CWC27: variants seen among roughly 807,000 people sequenced by gnomAD.
CWC27 encodes the protein CWC27 spliceosome associated cyclophilin.
CWC27 carries 47 observed loss-of-function variants against 63.6 expected under a neutral mutation model. The ratio of observed to expected loss-of-function variants is 0.74; its 90% CI spans 0.58 to 0.94. CWC27 has a LOEUF of 0.94. Ranked by LOEUF, CWC27 falls within the 40% of genes least tolerant of loss-of-function variation. The pLI, the probability that CWC27 is intolerant of heterozygous loss-of-function variation, is 0.00. For missense variants in CWC27, 495 were observed against 554.3 expected, an observed-to-expected ratio of 0.89 and a Z score of 1.07; for synonymous variants, 175 against 179.8, an observed-to-expected ratio of 0.97 and a Z score of 0.22.
chr5:64,771,192 C>T (rs115345402), intron 1 of CWC27, among the ~76,000 whole-genome samples: 152 of 152,324 alleles, frequency 1.0e-3, no homozygotes, highest in Non-Finnish European at 1.9e-3. Context: ...ATTAAAGCTT[C>T]TAAGTTCTGT....
intron 11 of CWC27, among the ~76,000 whole-genome samples, chr5:64,962,394 A>G (rs184231384): frequency 4.8e-4 from 73 of 152,326 alleles, no homozygotes; most frequent in Non-Finnish European, 2.5e-4. Flanking sequence ...CCAACACTAC[A>G]GTGGCCCAAG....
intron 11 of CWC27, among the ~76,000 whole-genome samples, chr5:64,900,885 G>A (rs1044363285): frequency 6.6e-6 from 1 of 152,086 alleles, no homozygotes. Context: ...ATATGGTGTG[G>A]CCCAAGCTTG....
chr5:64,913,001 A>C (rs1747822599), intron 11 of CWC27, among the ~76,000 whole-genome samples: 1 of 152,176 alleles, frequency 6.6e-6, no homozygotes, highest in South Asian at 2.1e-4. Context: ...TTAAATTAAA[A>C]GCAAAATACT....
At chr5:64,955,289 A>G (rs964277039) in intron 11 of CWC27, among the ~76,000 whole-genome samples, 2 of 152,188 alleles carry the variant, frequency 1.3e-5, no homozygotes, top group African/African-American at 4.8e-5. Flanking sequence ...TGAGAAGTAG[A>G]TTAAACAAAT....
At chr5:64,809,588 C>G (rs375059795) in intron 10 of CWC27, among the ~76,000 whole-genome samples, 13 of 152,086 alleles carry the variant, frequency 8.5e-5, no homozygotes, top group Admixed American at 8.5e-4. Context: ...AGAATGGTCT[C>G]GATCTCCTGA....
chr5:64,907,101 G>C (rs1016232525), intron 11 of CWC27, among the ~76,000 whole-genome samples: 12 of 152,284 alleles, frequency 7.9e-5, no homozygotes, highest in African/African-American at 2.9e-4. Flanking sequence ...AAGGTAGCAT[G>C]ATGGCTCCAG....
chr5:64,789,662 C>T (rs760474756), intron 7 of CWC27, among the ~76,000 whole-genome samples: 2 of 152,030 alleles, frequency 1.3e-5, no homozygotes, highest in Non-Finnish European at 2.9e-5. Context: ...TTCAATATTG[C>T]TTGCATCATA....
intron 11 of CWC27, 43 bp downstream of exon 11, chr5:64,885,589 C>T: frequency 1.4e-6 from 2 of 1,413,816 alleles, no homozygotes; most frequent in South Asian, 1.2e-5. Flanking sequence ...TGATACTCCT[C>T]CTTCTCTGTT....
Position 64,971,727 on chromosome 5 carries a change from C to G in CWC27, c.1067C>G (p.Ala356Gly), listed in dbSNP as rs748889304. 6.2e-7 allele frequency: 1 copy of G among 1,608,794 alleles called. No individual in the cohort carries two copies. Among genetic ancestry groups the G allele is most frequent in the Non-Finnish European group, 8.5e-7 (1 of 1,177,926 alleles). The change falls in exon 12 of 14, where the codon GCT (alanine) becomes GGT (glycine). Residue 356 changes from alanine (A) to glycine (G), a missense_variant. Around this residue, in one of 3 missense-constraint regions of CWC27, gnomAD observed 463 missense variants for 498.1 expected, o/e 0.93. Transcript: ENST00000381070. ...GAGGAAGAAGCCCCTCCAGATGGTG[C>G]TGTTGCCGAATACAGAAGAGAAAAG... ...SEEEEAPPDGAVAEYRREKQK... is the reference protein window; with the variant it reads ...SEEEEAPPDGGVAEYRREKQK...
At chr5:64,881,260 C>T (rs1746929119) in intron 10 of CWC27, among the ~76,000 whole-genome samples, 1 of 152,072 alleles carries the variant, frequency 6.6e-6, no homozygotes, top group Non-Finnish European at 1.5e-5. Flanking sequence ...ACCTACCCTT[C>T]TCTGTCTCAC....
chr5:64,972,033 G>A (rs554075205), intron 12 of CWC27, among the ~76,000 whole-genome samples: 2 of 152,128 alleles, frequency 1.3e-5, no homozygotes, highest in South Asian at 2.1e-4. Flanking sequence ...GAACTTCCAC[G>A]TTTCAACCTG....
chr5:64,877,617 C>G (rs1746824616), intron 10 of CWC27, among the ~76,000 whole-genome samples: 1 of 151,936 alleles, frequency 6.6e-6, no homozygotes, highest in Non-Finnish European at 1.5e-5. Flanking sequence ...CCTTAATATC[C>G]TGACTTTACC....
chr5:64,927,613 TCTC>T (rs10606509), intron 11 of CWC27, among the ~76,000 whole-genome samples: 3,424 of 152,196 alleles, frequency 0.022, 118 homozygotes, highest in African/African-American at 0.076. Flanking sequence ...AACTTTCCCT[TCTC>T]CTTCTTTTGC....
intron 10 of CWC27, among the ~76,000 whole-genome samples, chr5:64,874,640 A>G (rs1006592782): frequency 6.6e-6 from 1 of 151,846 alleles, no homozygotes; most frequent in African/African-American, 2.4e-5. Flanking sequence ...GATTGTTAAA[A>G]TCTCTATTTC....
At position 64,897,245 on chromosome 5, in the gene CWC27, G is replaced by A. The variant is rs542997015; in HGVS notation, c.1042+11699G>A. Reference sequence around the variant, plus strand: ...TGATCCCATTACTGGGCATATACCCGAAAGATTATAAATCATGCTACTATA... The same window carrying A: ...TGATCCCATTACTGGGCATATACCCAAAAGATTATAAATCATGCTACTATA... On this transcript the variant is annotated intron_variant, in intron 11 of 13. Coordinates refer to ENST00000381070, the MANE Select transcript of CWC27 (RefSeq NM_005869.4). 5.3e-5 allele frequency among the ~76,000 whole-genome samples: 8 copies of A among 152,126 alleles called. No individual in the cohort carries two copies. The South Asian group carries it at 6.2e-4, about 12-fold the overall frequency.
intron 10 of CWC27, among the ~76,000 whole-genome samples, chr5:64,878,938 G>A (rs1187631162): frequency 6.6e-6 from 1 of 151,876 alleles, no homozygotes; most frequent in African/African-American, 2.4e-5. Flanking sequence ...GAGCTGTGAA[G>A]ATCAGGGGAG....
chr5:64,804,490 A>G, intron 10 of CWC27, 104 bp downstream of exon 10: 2 of 1,168,130 alleles, frequency 1.7e-6, no homozygotes, highest in South Asian at 2.0e-5. Flanking sequence ...TACTATTTTC[A>G]TAATGTTTGA....
chr5:64,976,762 G>A (rs996083835), intron 12 of CWC27, among the ~76,000 whole-genome samples: 1 of 152,046 alleles, frequency 6.6e-6, no homozygotes, highest in Non-Finnish European at 1.5e-5. Context: ...TTGAGGTCTT[G>A]AACTCTTGGG....
At chr5:64,980,287 TC>T (rs1749310822) in intron 13 of CWC27, among the ~76,000 whole-genome samples, 1 of 152,160 alleles carries the variant, frequency 6.6e-6, no homozygotes, top group Non-Finnish European at 1.5e-5. Flanking sequence ...TGTAGACCCT[TC>T]TTTGAGCATG....
Sources: gnomAD v4.1 joint callset for allele counts (sites outside exome capture counted in the v4.1 genomes callset) on GRCh38, gnomAD v4.1.1 for gene constraint, gnomAD v4.1.1 regional missense constraint, MANE v1.5 for transcripts, NCBI Gene and HGNC (gene_info 2026-07-23, HGNC 2026-07-21) for gene names.